The following CIDEB variants were observed in gnomAD, a reference collection of about 807,000 sequenced individuals.
CIDEB encodes cell death inducing DFFA like effector b, also known as lipid transferase CIDEB.
CIDEB carries 27 observed loss-of-function variants against 22.4 expected under a neutral mutation model. The ratio of observed to expected loss-of-function variants is 1.21; its 90% CI spans 0.89 to 1.66. CIDEB has a LOEUF of 1.66. CIDEB is among the 40% of genes most tolerant of loss of function. CIDEB has a pLI of 0.00. For synonymous variants in CIDEB, 103 were observed against 109.5 expected (o/e 0.94, Z 0.37); for missense variants, 289 against 268.7 (o/e 1.08, Z -0.53).
upstream of CIDEB, chr14:24,309,434 TTTC>T (rs2041618864): frequency 6.6e-6 from 1 of 152,220 alleles, no homozygotes; most frequent in Non-Finnish European, 1.5e-5. Context: ...AGGCCTTTCT[TTTC>T]CCTTCCCCCA....
At chr14:24,310,756 C>T (rs371716411), upstream of CIDEB, 21 of 1,609,438 alleles carry the variant, frequency 1.3e-5, no homozygotes, top group African/African-American at 2.7e-5. Flanking sequence ...CTGCTGGCGG[C>T]GCTGCTGGGG....
upstream of CIDEB, chr14:24,310,629 C>T (rs1837280714): frequency 6.2e-7 from 1 of 1,611,202 alleles, no homozygotes; most frequent in Non-Finnish European, 8.5e-7. Context: ...TGAACGCCCT[C>T]TGTGGCGCCT....
intron 2 of CIDEB, 75 bp downstream of exon 2, chr14:24,307,296 T>A: frequency 6.7e-7 from 1 of 1,497,140 alleles, no homozygotes; most frequent in Non-Finnish European, 9.1e-7. Flanking sequence ...CTCTGCTCCA[T>A]CATCACAAGT....
intron 2 of CIDEB, chr14:24,306,953 T>A (rs1212912694): frequency 3.8e-6 from 1 of 260,560 alleles, no homozygotes; most frequent in Non-Finnish European, 7.5e-6. Flanking sequence ...TTACCTACAT[T>A]ATCCTCTTAC....
chr14:24,305,949 GAGTACTTTCTTTGGGCCA>G lies in CIDEB; in HGVS notation c.507_524del (p.Gly170_Leu175del). On this transcript the variant is annotated inframe_deletion, in exon 4 of 5. Transcript: ENST00000554411. ...AGTATGACATGTTGATTTCTGACCT[GAGTACTTTCTTTGGGCCA>G]AGTCCTTGAAAGTCACAACTCATAG... 6.2e-7 allele frequency: 1 copy of G among 1,613,164 alleles called. No homozygotes were observed. The highest frequency in any genetic ancestry group is 8.5e-7 in the Non-Finnish European group (1 of 1,179,392).
At chr14:24,310,508 T>G, upstream of CIDEB, 1 of 809,792 alleles carries the variant, frequency 1.2e-6, no homozygotes. Flanking sequence ...GGGGTCTGGG[T>G]CCTCGTGGAA....
rs562266546 is a variant in CIDEB at position 24,307,360 on chromosome 14, G to A, written c.186+11C>T. On this transcript the variant is annotated intron_variant, in intron 2 of 4. Transcript: ENST00000554411. ...CCCTGCTATAGGAACCGAGGAACTT[G>A]GCCTACTTACTTTGGCTAGCAGCTC... 1 of 1,610,606 alleles carries A rather than the reference G, an allele frequency of 6.2e-7. No homozygotes were observed. Among genetic ancestry groups the A allele is most frequent in the African/African-American group, 1.3e-5 (1 of 74,948 alleles).
In CIDEB at chr14:24,305,696, G is replaced by T. The variant is rs533736186; in HGVS notation, c.597C>A (p.Thr199=). The part of the protein sequence containing the change: ...LGHMLLGISS[T]LRHAVEGAEQ... ...CAGCCCCCTCCACTGCATGACGAAG[G>T]GTGGAGGAAATTCCCAGCAACATAT... Residue 199 remains threonine, a synonymous_variant, in exon 5 of 5, where the codon ACC becomes ACA. Transcript: ENST00000554411. 11 of 1,614,182 alleles carry T rather than the reference G, an allele frequency of 6.8e-6. No individual in the cohort carries two copies. In the East Asian group the frequency reaches 2.2e-4, roughly 33 times the overall value.
chr14:24,305,678 C>G lies in CIDEB; in HGVS notation c.615G>C (p.Glu205Asp), dbSNP rs950306794. Residue 205 changes from glutamate to aspartate, a missense_variant, in exon 5 of 5, where the codon GAG becomes GAC. Transcript: ENST00000554411. Reference protein sequence around the residue: ...GISSTLRHAVEGAEQWQQKGR... With the variant: ...GISSTLRHAVDGAEQWQQKGR... Reference sequence around the variant, plus strand: ...CCTTCTGCTGCCACTGCTCAGCCCCCTCCACTGCATGACGAAGGGTGGAGG... The same window carrying G: ...CCTTCTGCTGCCACTGCTCAGCCCCGTCCACTGCATGACGAAGGGTGGAGG... 1 of 1,614,208 alleles carries G rather than the reference C, an allele frequency of 6.2e-7. No homozygotes were observed. Among genetic ancestry groups the G allele is most frequent in the Admixed American group, 1.7e-5 (1 of 60,024 alleles).
intron 4 of CIDEB, 45 bp downstream of exon 4, chr14:24,305,902 A>G (rs748373659): frequency 4.4e-6 from 7 of 1,594,570 alleles, no homozygotes; most frequent in African/African-American, 2.7e-5. Context: ...TATGGGGACT[A>G]TCCAACTGTA....
Position 24,306,080 on chromosome 14 carries a change from C to A in CIDEB, c.394G>T (p.Ala132Ser), listed in dbSNP as rs147369401. Reference sequence around the variant, plus strand: ...TTGTACACGTCAAAGGTGAATCGGGCGATGTCCTTGCTGTGCTTGGGCCTC... The same window carrying A: ...TTGTACACGTCAAAGGTGAATCGGGAGATGTCCTTGCTGTGCTTGGGCCTC... ...RERPKHSKDIARFTFDVYKQN... is the reference protein window; with the variant it reads ...RERPKHSKDISRFTFDVYKQN... The change falls in exon 4 of 5, where the codon GCC becomes TCC. Residue 132 changes from alanine to serine, a missense_variant. Physicochemically the swap from Ala to Ser is moderately conservative, Grantham distance 99. Coordinates refer to ENST00000554411, the MANE Select transcript of CIDEB (RefSeq NM_001393339.1). 2 of 1,614,096 alleles carry A rather than the reference C, an allele frequency of 1.2e-6. No individual in the cohort carries two copies. The highest frequency in any genetic ancestry group is 1.7e-6 in the Non-Finnish European group (2 of 1,180,002).
Position 24,305,953 on chromosome 14 carries a change from A to G in CIDEB, c.521T>C (p.Val174Ala), listed in dbSNP as rs1226092941. 8.1e-6 allele frequency: 13 copies of G among 1,613,300 alleles called. No individual in the cohort carries two copies. The highest frequency in any genetic ancestry group is 1.3e-5 in the African/African-American group (1 of 74,890). Residue 174 changes from valine to alanine, a missense_variant, in exon 4 of 5, where the codon GTA (valine) becomes GCA (alanine). Transcript: ENST00000554411. ...CDFQGLGPKK[V>A]LRELLRWTST... ...TGACATGTTGATTTCTGACCTGAGT[A>G]CTTTCTTTGGGCCAAGTCCTTGAAA...
At chr14:24,307,669 C>T (rs565446861) in intron 1 of CIDEB, 149 bp downstream of exon 1, 6 of 818,486 alleles carry the variant, frequency 7.3e-6, no homozygotes, top group South Asian at 3.1e-5. Context: ...CAGGTGGGGG[C>T]GGGTGGCTCA....
Position 24,306,389 on chromosome 14 carries a change from G to C in CIDEB, c.321C>G (p.Ser107Arg). ...GGCCTCTTACCCTTGTAGGGCTCCA[G>C]CTCTGACCAGACTGCAACACCATCA... The part of the protein sequence containing the change: ...TCLMVLQSGQ[S>R]WSPTRSGVLS... The change falls in exon 3 of 5, where the codon AGC becomes AGG. Residue 107 changes from serine (S) to arginine (R), a missense_variant. Ser to Arg is a moderately radical substitution (Grantham distance 110, BLOSUM62 -1). Coordinates refer to ENST00000554411, the MANE Select transcript of CIDEB (RefSeq NM_001393339.1). 1 of 1,614,216 alleles carries C rather than the reference G, an allele frequency of 6.2e-7. No individual in the cohort carries two copies. The highest frequency in any genetic ancestry group is 1.1e-5 in the South Asian group (1 of 91,088).
At chr14:24,306,549 G>A in intron 2 of CIDEB, 26 bp from the exon 3 acceptor site, 1 of 1,614,184 alleles carries the variant, frequency 6.2e-7, no homozygotes, top group Non-Finnish European at 8.5e-7. Context: ...AAGCAAGAAG[G>A]GCAGGTCTTA....
chr14:24,307,426 T>A lies in CIDEB; in HGVS notation c.131A>T (p.Lys44Met), dbSNP rs1193463835. The change falls in exon 2 of 5, where the codon AAG becomes ATG. Residue 44 changes from lysine to methionine, a missense_variant. Transcript: ENST00000554411. ...TGTCAGGCCTTTCCGGATGGTCCGC[T>A]TGTGATCACAGACACGGAAAGGTCG... ...PQRPFRVCDH[K>M]RTIRKGLTAA... The A allele has an allele frequency of 6.2e-7, 1 of 1,614,126 alleles. No homozygotes were observed.
rs80170253 is a variant in CIDEB at position 24,307,936 on chromosome 14, C to G, written c.-78G>C. The G allele has an allele frequency of 1.3e-3, 1,647 of 1,317,310 alleles. 22 individuals are homozygous for G. The African/African-American group carries it at 0.021, about 17-fold the overall frequency. The allele number at this position is 1,317,310 out of a possible 1,614,324, so 81.6% of individuals were successfully genotyped here. A position where few individuals can be genotyped will look rare whatever the true frequency, so the allele number is the denominator to read the frequency against. ...TGTGCTGGGGCTTTAGTGGTGTTTT[C>G]TGTTACAAACCTGGGATCTCAGCCC... On this transcript the variant is annotated 5_prime_UTR_variant, in exon 1 of 5. Transcript: ENST00000554411.
upstream of CIDEB, chr14:24,311,283 C>A: frequency 6.3e-7 from 1 of 1,592,002 alleles, no homozygotes. Flanking sequence ...GACGCTGGCA[C>A]GGCTGCGGGG....
At position 24,305,750 on chromosome 14, in the gene CIDEB, C is replaced by T; in HGVS notation, c.543G>A (p.Trp181Ter). 6.2e-7 allele frequency: 1 copy of T among 1,613,512 alleles called. No homozygotes were observed. Among genetic ancestry groups the T allele is most frequent in the East Asian group, 2.2e-5 (1 of 44,862 alleles). The change falls in exon 5 of 5, where the codon TGG (tryptophan) becomes TGA (stop). Residue 181 changes from tryptophan to a stop codon, truncating the protein, a stop_gained. Transcript: ENST00000554411. LOFTEE classifies it high-confidence loss of function. Reference protein sequence around the residue: ...PKKVLRELLRWTSTLLQGLGH... With the variant: ...PKKVLRELLR ...CCAGGCCTTGCAGCAGTGTGGAGGTCCAACGAAGGAGCTCCCTGAATGGCA... is the reference window on the plus strand; with the variant it reads ...CCAGGCCTTGCAGCAGTGTGGAGGTTCAACGAAGGAGCTCCCTGAATGGCA...
Sources: allele counts gnomAD v4.1 joint callset, GRCh38; gene constraint gnomAD v4.1.1; transcripts MANE v1.5; gene names NCBI Gene and HGNC (gene_info 2026-07-23, HGNC 2026-07-21).